CSF2RA: variants seen among roughly 807,000 people sequenced by gnomAD.
CSF2RA encodes the protein colony stimulating factor 2 receptor subunit alpha.
In CSF2RA, 42 loss-of-function variants were observed where a neutral mutation model predicts 51.6. The ratio of observed to expected loss-of-function variants is 0.81; its 90% CI spans 0.64 to 1.05. The LOEUF is 1.05. Among genes scored for constraint, CSF2RA ranks in the 50% least tolerant of loss-of-function variants. The pLI is 0.00. For missense variants in CSF2RA, 530 were observed against 501.1 expected, an observed-to-expected ratio of 1.06 and a Z score of -0.55; for synonymous variants, 222 against 193.0, an observed-to-expected ratio of 1.15 and a Z score of -1.24.
At chrX:1,280,880 G>GCTT in intron 2 of CSF2RA, among the ~76,000 whole-genome samples, 1 of 42,256 alleles carries the variant, frequency 2.4e-5, no homozygotes, top group Non-Finnish European at 4.7e-5. Context: ...TCCTTCTCCT[G>GCTT]CTCCTTCTCC....
At chrX:1,269,935 A>G (rs1285027510) in intron 1 of CSF2RA, among the ~76,000 whole-genome samples, 1 of 151,928 alleles carries the variant, frequency 6.6e-6, no homozygotes, top group African/African-American at 2.4e-5. Flanking sequence ...TGGCAAAACC[A>G]CACCTTTATT....
chrX:1,314,837 GCACC>G (rs2084460499), downstream of CSF2RA, among the ~76,000 whole-genome samples: 3 of 102,896 alleles, frequency 2.9e-5, no homozygotes, highest in East Asian at 2.6e-4. Context: ...CAACCGCACT[GCACC>G]TGCCCAATCC....
chrX:1,299,854 G>A (rs1431143273), intron 9 of CSF2RA, among the ~76,000 whole-genome samples: 3 of 152,010 alleles, frequency 2.0e-5, no homozygotes, highest in Non-Finnish European at 2.9e-5. Flanking sequence ...GGAAGCGGAG[G>A]TTGCGGTGAG....
At position 1,288,775 on chromosome X, in the gene CSF2RA, T is replaced by C. The variant is rs1487560195; in HGVS notation, c.360T>C (p.Ala120=). 1.2e-6 allele frequency: 2 copies of C among 1,613,964 alleles called. No homozygotes were observed. The highest frequency in any genetic ancestry group is 3.3e-5 in the Admixed American group (2 of 59,982). The change falls in exon 6 of 13, where the codon GCT becomes GCC. Residue 120 remains alanine, a synonymous_variant. Coordinates refer to ENST00000381529, the MANE Select transcript of CSF2RA (RefSeq NM_172245.4). Reference sequence around the variant, plus strand: ...TCTTCCCAGGAAGGGAGGGTACCGCTGCTCAGAATTTCTCCTGTTTCATCT... The same window carrying C: ...TCTTCCCAGGAAGGGAGGGTACCGCCGCTCAGAATTTCTCCTGTTTCATCT... ...LYPNSGREGT[A]AQNFSCFIYN... is the part of the protein sequence containing the mutation.
At chrX:1,323,178 A>AATAAAATAAAATAAAAT in the CSF2RA span, among the ~76,000 whole-genome samples, 6 of 151,634 alleles carry the variant, frequency 4.0e-5, no homozygotes, top group Non-Finnish European at 8.8e-5. Flanking sequence ...AATAAAATAA[A>AATAAAATAAAATAAAAT]ATAAAATATA....
chrX:1,308,522 C>T (rs1468707065), intron 12 of CSF2RA, among the ~76,000 whole-genome samples: 1 of 152,024 alleles, frequency 6.6e-6, no homozygotes, highest in Non-Finnish European at 1.5e-5. Context: ...CCCTCTCCCA[C>T]CCACCTCTCT....
chrX:1,295,365 C>G (rs1207068616), intron 8 of CSF2RA, 62 bp from the exon 9 acceptor site: 4 of 1,593,088 alleles, frequency 2.5e-6, no homozygotes, highest in Non-Finnish European at 3.4e-6. Flanking sequence ...CTGTGTGAAC[C>G]ATCTACAGTG....
downstream of CSF2RA, among the ~76,000 whole-genome samples, chrX:1,315,331 G>A (rs1258438872): frequency 6.6e-6 from 1 of 152,040 alleles, no homozygotes; most frequent in East Asian, 1.9e-4. Flanking sequence ...TAGATGTATA[G>A]GTAACAGATA....
intron 1 of CSF2RA, among the ~76,000 whole-genome samples, chrX:1,273,215 C>G (rs750103990): frequency 1.3e-5 from 2 of 152,122 alleles, no homozygotes; most frequent in African/African-American, 4.8e-5. Flanking sequence ...ATTTATTGAA[C>G]CCTGTATATC....
At chrX:1,268,963 A>G (rs1382672312) in intron 1 of CSF2RA, 84 bp downstream of exon 1, 2 of 446,054 alleles carry the variant, frequency 4.5e-6, no homozygotes, top group Non-Finnish European at 9.0e-6. Context: ...TCGATAGAAA[A>G]GAAAGAGACT....
chrX:1,321,769 G>A, the CSF2RA span, among the ~76,000 whole-genome samples: 170 of 152,254 alleles, frequency 1.1e-3, no homozygotes, highest in African/African-American at 4.0e-3. Flanking sequence ...AGCTGAGAAC[G>A]TCCACATCAG....
intron 11 of CSF2RA, 89 bp from the exon 12 acceptor site, chrX:1,305,357 C>T: frequency 9.3e-6 from 13 of 1,404,158 alleles, no homozygotes; most frequent in Non-Finnish European, 1.2e-5. Context: ...AGACACCCCG[C>T]ACGCAGCATC....
At chrX:1,286,608 G>A (rs2090701856) in intron 4 of CSF2RA, among the ~76,000 whole-genome samples, 1 of 151,940 alleles carries the variant, frequency 6.6e-6, no homozygotes, top group Admixed American at 6.6e-5. Flanking sequence ...TTAAATAAAA[G>A]CGAGAGGGCC....
intron 1 of CSF2RA, among the ~76,000 whole-genome samples, chrX:1,269,314 G>A (rs1304719123): frequency 1.3e-5 from 2 of 152,112 alleles, no homozygotes; most frequent in African/African-American, 2.4e-5. Flanking sequence ...TGTGGCATCC[G>A]GAAGCCGTTT....
chrX:1,306,724 GAGAGAGACAAAGAC>G (rs2083607667), intron 12 of CSF2RA, among the ~76,000 whole-genome samples: 1 of 151,850 alleles, frequency 6.6e-6, no homozygotes, highest in Admixed American at 6.6e-5. Context: ...ACAGAGAGGG[GAGAGAGACAAAGAC>G]AGAGAGACAC....
chrX:1,311,520 A>G (rs746728396), downstream of CSF2RA, among the ~76,000 whole-genome samples: 152 of 151,008 alleles, frequency 1.0e-3, no homozygotes, highest in Non-Finnish European at 8.8e-5. Context: ...TGCAACCTCC[A>G]TCTCCCCAGT....
intron 6 of CSF2RA, among the ~76,000 whole-genome samples, chrX:1,289,707 T>G (rs1170346019): frequency 6.6e-6 from 1 of 151,778 alleles, no homozygotes; most frequent in Non-Finnish European, 1.5e-5. Flanking sequence ...TGTGTTTTTT[T>G]GTTTGTGTTT....
rs777795752 is a variant in CSF2RA at position 1,309,631 on chromosome X, A to C, written c.*152A>C. 4.4e-6 allele frequency: 7 copies of C among 1,581,444 alleles called. No homozygotes were observed. In the South Asian group the frequency reaches 6.6e-5, roughly 15 times the overall value. On this transcript the variant is annotated 3_prime_UTR_variant, in exon 13 of 13. Transcript: ENST00000381529. ...GCCAGGCGCGGTGGCTCACGCCTGT[A>C]ATCCCAGCACTTTGGGAGGCCAAGG...
chrX:1,303,809 C>T, intron 10 of CSF2RA, 114 bp from the exon 11 acceptor site: 1 of 956,988 alleles, frequency 1.0e-6, no homozygotes, highest in Non-Finnish European at 1.7e-6. Flanking sequence ...GGGCCCAGTT[C>T]TCAGCTTGAC....
Sources: allele counts gnomAD v4.1 joint callset (sites outside exome capture counted in the v4.1 genomes callset), GRCh38; gene constraint gnomAD v4.1.1; transcripts MANE v1.5; gene names NCBI Gene and HGNC (gene_info 2026-07-23, HGNC 2026-07-21).